Variants in AFAP1 observed in about 807,000 individuals in gnomAD.
AFAP1 encodes the protein actin filament-associated protein 1.
In AFAP1, 75 loss-of-function variants were observed where a neutral mutation model predicts 93.9. The ratio of observed to expected loss-of-function variants is 0.80; its 90% CI spans 0.66 to 0.97. The LOEUF (loss-of-function observed/expected upper bound fraction) is 0.97. Ranked by LOEUF, AFAP1 falls within the 50% of genes least tolerant of loss-of-function variation. AFAP1 has a pLI of 0.00. For missense variants in AFAP1, 1,201 were observed against 1,050.8 expected (o/e 1.14, Z -1.98); for synonymous variants, 517 against 430.7 (o/e 1.20, Z -2.48).
intron 1 of AFAP1, among the ~76,000 whole-genome samples, chr4:7,906,258 G>A (rs983316469): frequency 3.9e-5 from 6 of 152,016 alleles, no homozygotes; most frequent in Non-Finnish European, 7.4e-5. Flanking sequence ...GCTTCTGTGA[G>A]CCACAAGAGA....
rs565396352 is a variant in AFAP1, at chr4:7,835,821, T to C, written c.726+2703A>G. ...GGCCTCAAGGTTACCTGGGTGGCTC[T>C]TGAATGGACTGTGGGCTGTCTTGAG... is the stretch of plus-strand genomic sequence containing the variant. On this transcript the variant is annotated intron_variant, in intron 6 of 17. Coordinates refer to ENST00000420658, the MANE Select transcript of AFAP1 (RefSeq NM_001134647.2). Among the ~76,000 whole-genome samples, 1,035 of 147,790 alleles carry C rather than the reference T, an allele frequency of 7.0e-3. 2 individuals are homozygous for C. The highest frequency in any genetic ancestry group is 0.018 in the African/African-American group (701 of 39,384).
chr4:7,868,338 G>A (rs766826576), intron 3 of AFAP1, among the ~76,000 whole-genome samples: 4 of 152,086 alleles, frequency 2.6e-5, no homozygotes, highest in South Asian at 2.1e-4. Flanking sequence ...TTAATCTGAC[G>A]TAAGAAAAGA....
intron 16 of AFAP1, among the ~76,000 whole-genome samples, chr4:7,769,633 A>C (rs1241821084): frequency 6.8e-6 from 1 of 146,666 alleles, no homozygotes; most frequent in Non-Finnish European, 1.5e-5. Context: ...ATGGGATCCC[A>C]AACTGCTCTC....
In AFAP1 at chr4:7,799,587, G is replaced by A. The variant is rs147215984; in HGVS notation, c.1266+855C>T. ...CTATCGATTCTACAGCACAAGGTGC[G>A]TGACATGGATGCGACCATCTGGCGT... On this transcript the variant is annotated intron_variant, in intron 10 of 17. Coordinates refer to ENST00000420658, the MANE Select transcript of AFAP1 (RefSeq NM_001134647.2). 5.3e-5 allele frequency among the ~76,000 whole-genome samples: 8 copies of A among 152,284 alleles called. No individual in the cohort carries two copies. In the East Asian group the frequency reaches 1.4e-3, roughly 26 times the overall value.
At chr4:7,852,732 G>A (rs373240741) in intron 4 of AFAP1, among the ~76,000 whole-genome samples, 1 of 152,166 alleles carries the variant, frequency 6.6e-6, no homozygotes, top group African/African-American at 2.4e-5. Flanking sequence ...CTGACCAGGT[G>A]TGGAGACGGA....
At chr4:7,877,160 T>G (rs1027959516) in intron 1 of AFAP1, among the ~76,000 whole-genome samples, 1 of 152,122 alleles carries the variant, frequency 6.6e-6, no homozygotes, top group African/African-American at 2.4e-5. Context: ...TAAAGGCAGG[T>G]GTCATCCTAT....
intron 3 of AFAP1, among the ~76,000 whole-genome samples, chr4:7,860,984 T>C (rs1043018300): frequency 1.3e-5 from 2 of 152,174 alleles, no homozygotes; most frequent in African/African-American, 4.8e-5. Flanking sequence ...CCCCACCTTC[T>C]TCCCTACCCC....
chr4:7,913,303 T>A (rs1376421796), intron 1 of AFAP1, among the ~76,000 whole-genome samples: 2 of 149,200 alleles, frequency 1.3e-5, no homozygotes, highest in Admixed American at 1.3e-4. Flanking sequence ...GGTGGGAGGA[T>A]CTCTTGAGCC....
chr4:7,907,466 AC>A (rs1719480716), intron 1 of AFAP1, among the ~76,000 whole-genome samples: 1 of 152,220 alleles, frequency 6.6e-6, no homozygotes, highest in Admixed American at 6.5e-5. Context: ...TTCTTTGACA[AC>A]CGAGGGATCT....
At chr4:7,803,230 T>TTAAGATAACATGCCA (rs1165779176) in intron 9 of AFAP1, among the ~76,000 whole-genome samples, 2 of 152,064 alleles carry the variant, frequency 1.3e-5, no homozygotes, top group Non-Finnish European at 2.9e-5. Context: ...CTGAGGTGCA[T>TTAAGATAACATGCCA]TAAGATAACA....
At chr4:7,769,042 G>T in intron 16 of AFAP1, 34 bp from the exon 17 acceptor site, 1 of 1,554,042 alleles carries the variant, frequency 6.4e-7, no homozygotes, top group Non-Finnish European at 8.7e-7. Context: ...TGTGATGAGC[G>T]GTTTCTGGGC....
At chr4:7,768,150 C>G (rs908321188) in intron 17 of AFAP1, among the ~76,000 whole-genome samples, 1 of 152,272 alleles carries the variant, frequency 6.6e-6, no homozygotes, top group Non-Finnish European at 1.5e-5. Flanking sequence ...GTTCCAGCCC[C>G]TCGGGGCGGG....
chr4:7,804,511 G>A (rs1026202206), intron 9 of AFAP1, among the ~76,000 whole-genome samples: 3 of 151,002 alleles, frequency 2.0e-5, no homozygotes, highest in East Asian at 1.9e-4. Context: ...TTTACAGCTC[G>A]AAGATTAAAC....
intron 10 of AFAP1, among the ~76,000 whole-genome samples, chr4:7,797,495 C>A (rs976102537): frequency 1.3e-5 from 2 of 152,208 alleles, no homozygotes; most frequent in Non-Finnish European, 2.9e-5. Flanking sequence ...CTATAATTCT[C>A]TGCTGGATCC....
At chr4:7,842,972 G>A in intron 5 of AFAP1, 167 bp downstream of exon 5, 2 of 661,848 alleles carry the variant, frequency 3.0e-6, no homozygotes. Context: ...CTCCCTGATG[G>A]CATGTGGGGG....
At chr4:7,893,219 G>A (rs1053821742) in intron 1 of AFAP1, among the ~76,000 whole-genome samples, 6 of 152,162 alleles carry the variant, frequency 3.9e-5, no homozygotes, top group East Asian at 3.9e-4. Context: ...CATGACTCTT[G>A]TAAGATGTCT....
chr4:7,784,673 G>A (rs1717100118), intron 12 of AFAP1, among the ~76,000 whole-genome samples: 1 of 152,132 alleles, frequency 6.6e-6, no homozygotes, highest in African/African-American at 2.4e-5. Context: ...CGGCCAATGG[G>A]AAGGCAACCG....
At chr4:7,790,939 T>G (rs1420237395) in intron 11 of AFAP1, among the ~76,000 whole-genome samples, 1 of 152,142 alleles carries the variant, frequency 6.6e-6, no homozygotes. Flanking sequence ...CTTAGCTGGG[T>G]GTATGTAACA....
intron 1 of AFAP1, among the ~76,000 whole-genome samples, chr4:7,890,004 TAAAAAAAAAA>T (rs543991662): frequency 3.0e-5 from 3 of 100,340 alleles, no homozygotes; most frequent in South Asian, 3.7e-4. Context: ...CAATTTTTGT[TAAAAAAAAAA>T]AAAAAAAAAA....
Sources: allele counts gnomAD v4.1 joint callset (sites outside exome capture counted in the v4.1 genomes callset), GRCh38; gene constraint gnomAD v4.1.1; transcripts MANE v1.5; gene names NCBI Gene and HGNC (gene_info 2026-07-23, HGNC 2026-07-21).